Variants in MGME1 observed in about 807,000 individuals in gnomAD.
MGME1 encodes the protein chromosome 20 open reading frame 72.
MGME1 carries 22 observed loss-of-function variants against 33.0 expected under a neutral mutation model. That is an observed-to-expected ratio of 0.67 (90% CI 0.48 to 0.95). The LOEUF (loss-of-function observed/expected upper bound fraction) is 0.95, where lower values mean the gene tolerates loss of function less well. Ranked by LOEUF, MGME1 falls within the 40% of genes least tolerant of loss-of-function variation. The pLI is 0.00. For synonymous variants in MGME1, 133 were observed against 144.0 expected (o/e 0.92, Z 0.55); for missense variants, 383 against 397.8 (o/e 0.96, Z 0.32).
chr20:17,979,567 G>C (rs1440736914), intron 3 of MGME1, among the ~76,000 whole-genome samples: 1 of 150,092 alleles, frequency 6.7e-6, no homozygotes, highest in Non-Finnish European at 1.5e-5. Flanking sequence ...ATGCCACCAC[G>C]CCCGGCTAAT....
Position 17,975,966 on chromosome 20 carries a change from G to A in MGME1, c.731+63G>A, listed in dbSNP as rs1449152197. The A allele has an allele frequency of 4.6e-6, 6 of 1,295,372 alleles. No individual in the cohort carries two copies. The Admixed American group carries it at 5.1e-5, about 11-fold the overall frequency. 80.2% of individuals were successfully genotyped at this position (1,295,372 alleles called of 1,614,324 possible). ...GACAGATGGTGCCTGTCAAAGGTGT[G>A]CCTGTAGGTACTGTAGCCTCTGTCT... On this transcript the variant is annotated intron_variant, in intron 3 of 4. Transcript: ENST00000377710.
At chr20:17,975,574 AAAAAT>A in intron 2 of MGME1, 105 bp from the exon 3 acceptor site, 1 of 855,018 alleles carries the variant, frequency 1.2e-6, no homozygotes, top group East Asian at 2.7e-5. Context: ...AAAAAGAAAA[AAAAAT>A]GTCATTTTTA....
chr20:17,974,061 GTT>G (rs34206000), intron 2 of MGME1, among the ~76,000 whole-genome samples: 12 of 85,492 alleles, frequency 1.4e-4, no homozygotes, highest in Middle Eastern at 8.3e-3. Context: ...CTCTTTGTGT[GTT>G]TTTTTTTTTT....
Position 17,991,083 on chromosome 20 carries a change from C to T in MGME1, c.*974C>T, listed in dbSNP as rs1412003494. On this transcript the variant is annotated 3_prime_UTR_variant, in exon 5 of 5. Transcript: ENST00000377710. ...TGCTACAATGACTTCTTTGGGTAGC[C>T]ATTTTCATAAGAAATAAAATACAAG... is the stretch of plus-strand genomic sequence containing the variant. 6.6e-6 allele frequency: 1 copy of T among 152,058 alleles called. No individual in the cohort carries two copies. The highest frequency in any genetic ancestry group is 1.9e-4 in the East Asian group (1 of 5,198). The allele number at this position is 152,058 out of a possible 1,614,324, so 9.4% of individuals were successfully genotyped here.
intron 3 of MGME1, among the ~76,000 whole-genome samples, chr20:17,986,004 T>G (rs2036145451): frequency 6.6e-6 from 1 of 151,638 alleles, no homozygotes; most frequent in Admixed American, 6.6e-5. Flanking sequence ...CTATTCGGAG[T>G]CTTTTGTGGT....
chr20:17,988,358 C>T (rs1023161057), intron 4 of MGME1, 60 bp downstream of exon 4: 19 of 1,566,500 alleles, frequency 1.2e-5, no homozygotes, highest in East Asian at 2.3e-5. Flanking sequence ...ACTATAACTC[C>T]GGGCCGGGCG....
At chr20:17,982,655 CATT>C (rs1248121459) in intron 3 of MGME1, among the ~76,000 whole-genome samples, 1 of 152,232 alleles carries the variant, frequency 6.6e-6, no homozygotes, top group African/African-American at 2.4e-5. Context: ...ATTTTGATAA[CATT>C]GTATTTTTAA....
At position 17,989,819 on chromosome 20, in the gene MGME1, T is replaced by C. The variant is rs952127213; in HGVS notation, c.865-120T>C. The stretch of plus-strand genomic sequence containing the variant: ...TCTTTGATCAACCTACCTTAGAAAC[T>C]GAGTTAGGAGATATCCTGTAGATTA... On this transcript the variant is annotated intron_variant, in intron 4 of 4. Transcript: ENST00000377710. 4 of 866,600 alleles carry C rather than the reference T, an allele frequency of 4.6e-6. No individual in the cohort carries two copies. In the African/African-American group the frequency reaches 6.7e-5, roughly 15 times the overall value. The allele number at this position is 866,600 out of a possible 1,614,324, so 53.7% of individuals were successfully genotyped here.
chr20:17,970,054 C>T lies in MGME1; in HGVS notation c.195C>T (p.Val65=). The T allele has an allele frequency of 6.2e-7, 1 of 1,614,194 alleles. No individual in the cohort carries two copies. The highest frequency in any genetic ancestry group is 8.5e-7 in the Non-Finnish European group (1 of 1,180,036). ...LVQSVLSSRG[V]AQTPGSVEED... is the part of the protein sequence containing the mutation. ...AGTCTGTCTTGTCATCCAGAGGCGT[C>T]GCCCAGACCCCGGGATCGGTGGAGG... Residue 65 remains valine (V), a synonymous_variant, in exon 2 of 5, where the codon GTC becomes GTT. Transcript: ENST00000377710.
Position 17,970,370 on chromosome 20 carries a change from A to G in MGME1, c.511A>G (p.Asn171Asp), listed in dbSNP as rs1265864105. The G allele has an allele frequency of 1.2e-6, 2 of 1,603,780 alleles. No homozygotes were observed. The highest frequency in any genetic ancestry group is 1.7e-5 in the Admixed American group (1 of 58,818). Residue 171 changes from asparagine (N) to aspartate (D), a missense_variant and splice_region_variant, in exon 2 of 5, where the codon AAC becomes GAC. Physicochemically the swap from Asn to Asp is conservative, Grantham distance 23. Coordinates refer to ENST00000377710, the MANE Select transcript of MGME1 (RefSeq NM_052865.4). ...GEDGFKEYTSNVFLQGKRFHE... is the reference protein window; with the variant it reads ...GEDGFKEYTSDVFLQGKRFHE... ...AGATGGCTTTAAAGAATACACTTCA[A>G]GTAATTATCTCAATTCTGATTCTAT...
In MGME1 at chr20:17,975,872, A is replaced by G. The variant is rs1012297972; in HGVS notation, c.700A>G (p.Ile234Val). 5.0e-6 allele frequency: 8 copies of G among 1,613,904 alleles called. No individual in the cohort carries two copies. Among genetic ancestry groups the G allele is most frequent in the Admixed American group, 1.7e-5 (1 of 60,002 alleles). The change falls in exon 3 of 5, where the codon ATA (isoleucine) becomes GTA (valine). Residue 234 changes from isoleucine (I) to valine (V), a missense_variant. Transcript: ENST00000377710. ...TGTTCAACATGAAACCTTAAACTAT[A>G]TAGGTCTGCTGGACTGTGTGGCTGA... ...SAVQHETLNY[I>V]GLLDCVAEYQ...
upstream of MGME1, chr20:17,968,888 C>A (rs574410401): frequency 6.2e-6 from 1 of 160,704 alleles, no homozygotes; most frequent in East Asian, 1.8e-4. Flanking sequence ...AGCAGAAGGG[C>A]GCGATTTGGA....
At position 17,969,134 on chromosome 20, in the gene MGME1, C is replaced by T. The variant is rs1322676514; in HGVS notation, c.-67C>T. 1 of 152,350 alleles carries T rather than the reference C, an allele frequency of 6.6e-6. No individual in the cohort carries two copies. The highest frequency in any genetic ancestry group is 2.4e-5 in the African/African-American group (1 of 41,468). 9.4% of individuals were successfully genotyped at this position (152,350 alleles called of 1,614,324 possible). On this transcript the variant is annotated 5_prime_UTR_variant, in exon 1 of 5. Transcript: ENST00000377710. ...TTGAGAGTTAAGCGAAGTGTGGTGGCTTCCAAGGTACCGACACTTGCCGTA... is the reference window on the plus strand; with the variant it reads ...TTGAGAGTTAAGCGAAGTGTGGTGGTTTCCAAGGTACCGACACTTGCCGTA...
At chr20:17,979,035 C>T (rs1177142359) in intron 3 of MGME1, among the ~76,000 whole-genome samples, 2 of 151,968 alleles carry the variant, frequency 1.3e-5, no homozygotes, top group African/African-American at 2.4e-5. Context: ...GCCTCAGCCT[C>T]CCAAAGTGCT....
Position 17,970,131 on chromosome 20 carries a change from G to A in MGME1, c.272G>A (p.Gly91Asp), listed in dbSNP as rs755862275. ...PVSKHKLPNQ[G>D]EDRRVPQNWF... is the part of the protein sequence containing the mutation. ...AGCAAGCATAAGCTGCCAAACCAAG[G>A]TGAGGACAGACGAGTGCCACAAAAC... Residue 91 changes from glycine (G) to aspartate (D), a missense_variant, in exon 2 of 5, where the codon GGT becomes GAT. Gly to Asp is a moderately conservative substitution (Grantham distance 94). Transcript: ENST00000377710. 3 of 1,614,238 alleles carry A rather than the reference G, an allele frequency of 1.9e-6. No individual in the cohort carries two copies. The highest frequency in any genetic ancestry group is 1.3e-5 in the African/African-American group (1 of 75,056).
chr20:17,970,189 T>G lies in MGME1; in HGVS notation c.330T>G (p.Asp110Glu). The change falls in exon 2 of 5, where the codon GAT (aspartate) becomes GAG (glutamate). Residue 110 changes from aspartate to glutamate, a missense_variant. Asp to Glu is a conservative substitution (Grantham distance 45). Transcript: ENST00000377710. Reference protein sequence around the residue: ...WFPIFNPERSDKPNASDPSVP... With the variant: ...WFPIFNPERSEKPNASDPSVP... ...CTATCTTCAATCCAGAGAGAAGTGATAAACCAAATGCAAGTGATCCTTCAG... is the reference window on the plus strand; with the variant it reads ...CTATCTTCAATCCAGAGAGAAGTGAGAAACCAAATGCAAGTGATCCTTCAG... 6.2e-7 allele frequency: 1 copy of G among 1,614,192 alleles called. No individual in the cohort carries two copies. The highest frequency in any genetic ancestry group is 8.5e-7 in the Non-Finnish European group (1 of 1,180,032).
chr20:17,986,242 T>C (rs2036151598), intron 3 of MGME1, among the ~76,000 whole-genome samples: 1 of 152,048 alleles, frequency 6.6e-6, no homozygotes, highest in Admixed American at 6.5e-5. Flanking sequence ...CTAATTTTTG[T>C]ATTTTTAGTA....
intron 3 of MGME1, among the ~76,000 whole-genome samples, chr20:17,986,264 T>G (rs1452469026): frequency 6.6e-6 from 1 of 152,144 alleles, no homozygotes; most frequent in Non-Finnish European, 1.5e-5. Context: ...AGACGAGGTT[T>G]CACCATGTTG....
Position 17,971,810 on chromosome 20 carries a change from C to T in MGME1, c.511+1440C>T, listed in dbSNP as rs1382439170. ...AGCAGAATCGCTTACCCCAGCACCC[C>T]GCCCAGACTTGACCGCCGGGACCCA... is the stretch of plus-strand genomic sequence containing the variant. On this transcript the variant is annotated intron_variant, in intron 2 of 4. Transcript: ENST00000377710. Among the ~76,000 whole-genome samples the T allele has an allele frequency of 3.3e-5, 5 of 152,096 alleles. No homozygotes were observed. The South Asian group carries it at 6.2e-4, about 19-fold the overall frequency.
Sources: gnomAD v4.1 joint callset for allele counts (sites outside exome capture counted in the v4.1 genomes callset) on GRCh38, gnomAD v4.1.1 for gene constraint, MANE v1.5 for transcripts, NCBI Gene and HGNC (gene_info 2026-07-23, HGNC 2026-07-21) for gene names.